Variants in PLXNB2 observed in about 807,000 individuals in gnomAD.
The protein encoded by PLXNB2 is plexin-B2.
PLXNB2 carries 85 observed loss-of-function variants against 202.6 expected under a neutral mutation model. The ratio of observed to expected loss-of-function variants is 0.42; its 90% CI spans 0.35 to 0.50. PLXNB2 has a LOEUF of 0.50. Among genes scored for constraint, PLXNB2 ranks in the 20% least tolerant of loss-of-function variants. The pLI, the probability that PLXNB2 is intolerant of heterozygous loss-of-function variation, is 0.02. For missense variants in PLXNB2, 2,063 were observed against 2,586.2 expected, an observed-to-expected ratio of 0.80 and a Z score of 4.39; for synonymous variants, 1,239 against 1,137.6, an observed-to-expected ratio of 1.09 and a Z score of -1.79.
chr22:50,286,083 C>G lies in PLXNB2; in HGVS notation c.1893G>C (p.Val631=), dbSNP rs530818054. ...CCCACTGGCAGGTCCAGCGGTTGCTCACGCAGGAGATGCACCTGCATCCAG... is the reference window on the plus strand; with the variant it reads ...CCCACTGGCAGGTCCAGCGGTTGCTGACGCAGGAGATGCACCTGCATCCAG... ...LEENLPCISC[V]SNRWTCQWDL... is the part of the protein sequence containing the mutation. Residue 631 remains valine (V), a synonymous_variant, in exon 10 of 37, where the codon GTG becomes GTC. Transcript: ENST00000359337. 6.2e-7 allele frequency: 1 copy of G among 1,612,058 alleles called. No homozygotes were observed. Among genetic ancestry groups the G allele is most frequent in the East Asian group, 2.2e-5 (1 of 44,874 alleles).
Position 50,280,544 on chromosome 22 carries a change from G to A in PLXNB2, c.4120C>T (p.Leu1374=), listed in dbSNP as rs1196985933. 2 of 1,611,994 alleles carry A rather than the reference G, an allele frequency of 1.2e-6. No homozygotes were observed. Among genetic ancestry groups the A allele is most frequent in the South Asian group, 1.1e-5 (1 of 91,088 alleles). ...ACCACGTACTGCTCCAGGAGCTCCA[G>A]GAAGAGCGTGTGCATGATGTCCGTG... The part of the protein sequence containing the change: ...YYTDIMHTLF[L]ELLEQYVVAK... Residue 1374 remains leucine, a synonymous_variant, in exon 25 of 37, where the codon CTG becomes TTG. Transcript: ENST00000359337.
At position 50,288,926 on chromosome 22, in the gene PLXNB2, C is replaced by T. The variant is rs763100796; in HGVS notation, c.1251+34G>A. 23 of 1,607,264 alleles carry T rather than the reference C, an allele frequency of 1.4e-5. No homozygotes were observed. Among genetic ancestry groups the T allele is most frequent in the Non-Finnish European group, 2.0e-5 (23 of 1,175,286 alleles). ...TACGGGCCTTGTGCACAGACGGGCC[C>T]TCCAGAGCCTCCCCGCCCCAGCCTG... On this transcript the variant is annotated intron_variant, in intron 4 of 36. Transcript: ENST00000359337. This position sits in a 1 kb window ranked among gnomAD's most constrained non-coding sequence, Gnocchi z 5.0.
chr22:50,288,038 C>T lies in PLXNB2; in HGVS notation c.1381-1G>A, dbSNP rs66665785. On this transcript the variant is annotated splice_acceptor_variant, in intron 5 of 36. Transcript: ENST00000359337. LOFTEE classifies it high-confidence loss of function. This position sits in a 1 kb window ranked among gnomAD's most constrained non-coding sequence, Gnocchi z 5.0. ...ACTCCTGCACCGGCAGCCGGAACAC[C>T]TAGGGCAGCGGGGCCGTGAGTGGGA... is the stretch of plus-strand genomic sequence containing the variant. 6.4e-7 allele frequency: 1 copy of T among 1,554,912 alleles called. No individual in the cohort carries two copies.
At chr22:50,296,552 A>G (rs1601758699) in intron 1 of PLXNB2, among the ~76,000 whole-genome samples, 1 of 140,670 alleles carries the variant, frequency 7.1e-6, no homozygotes, top group African/African-American at 2.7e-5. Context: ...AGATCACACC[A>G]TTGCACTCCA....
rs766335408 is a variant in PLXNB2, at chr22:50,291,152, C to T, written c.-13-555G>A. Reference sequence around the variant, plus strand: ...GCCCAGCAAGTGCACATGCTGTTTACAACTGCCCGCCAGAGCCCCCAGGCG... The same window carrying T: ...GCCCAGCAAGTGCACATGCTGTTTATAACTGCCCGCCAGAGCCCCCAGGCG... On this transcript the variant is annotated intron_variant, in intron 2 of 36. Transcript: ENST00000359337. This position sits in a 1 kb window ranked among gnomAD's most constrained non-coding sequence, Gnocchi z 4.3. Among the ~76,000 whole-genome samples the T allele has an allele frequency of 3.3e-5, 5 of 152,198 alleles. No homozygotes were observed. Among genetic ancestry groups the T allele is most frequent in the Non-Finnish European group, 7.3e-5 (5 of 68,032 alleles).
intron 2 of PLXNB2, 58 bp from the exon 3 acceptor site, chr22:50,290,655 C>T: frequency 6.9e-7 from 1 of 1,456,010 alleles, no homozygotes; most frequent in Admixed American, 2.4e-5. Context: ...CGATCAAATC[C>T]CTCTCCAGTC....
At chr22:50,304,126 G>C (rs1046638038) in intron 1 of PLXNB2, among the ~76,000 whole-genome samples, 5 of 152,148 alleles carry the variant, frequency 3.3e-5, no homozygotes, top group African/African-American at 4.8e-5. Context: ...AGGCGGGACT[G>C]TGCGAAACAG....
chr22:50,284,298 C>T lies in PLXNB2; in HGVS notation c.2182-85G>A. 1 of 1,275,262 alleles carries T rather than the reference C, an allele frequency of 7.8e-7. No homozygotes were observed. The highest frequency in any genetic ancestry group is 1.2e-5 in the South Asian group (1 of 83,816). The allele number at this position is 1,275,262 out of a possible 1,614,324, so 79.0% of individuals were successfully genotyped here. ...GGTCACAAGGGCAGCCTCCCTGTGG[C>T]CACCGGGTCCCTTCCCAGCCAAGGG... On this transcript the variant is annotated intron_variant, in intron 12 of 36. Transcript: ENST00000359337. The surrounding 1 kb of genome is among the most constrained non-coding windows in gnomAD (Gnocchi z 8.0).
At chr22:50,283,267 G>A in intron 16 of PLXNB2, 70 bp downstream of exon 16, 1 of 1,607,018 alleles carries the variant, frequency 6.2e-7, no homozygotes, top group Non-Finnish European at 8.5e-7. Context: ...ACTGTCGTGG[G>A]GAGGCGGCGG....
At position 50,278,395 on chromosome 22, in the gene PLXNB2, C is replaced by T. The variant is rs1229380810; in HGVS notation, c.4732+40G>A. The T allele has an allele frequency of 5.1e-6, 8 of 1,559,990 alleles. No individual in the cohort carries two copies. In the African/African-American group the frequency reaches 9.5e-5, roughly 19 times the overall value. On this transcript the variant is annotated intron_variant, in intron 30 of 36. Coordinates refer to ENST00000359337, the MANE Select transcript of PLXNB2 (RefSeq NM_012401.4). ...GGGCAGACATGGTCCACGCTGACCACCAGGGGCTGGAAGGAAACGGGCAAC... is the reference window on the plus strand; with the variant it reads ...GGGCAGACATGGTCCACGCTGACCATCAGGGGCTGGAAGGAAACGGGCAAC...
intron 1 of PLXNB2, among the ~76,000 whole-genome samples, chr22:50,299,388 G>T (rs2067516785): frequency 6.6e-6 from 1 of 152,142 alleles, no homozygotes; most frequent in Non-Finnish European, 1.5e-5. Context: ...AGGCGCGTCT[G>T]AGAGTGGCTG....
rs1441400122 is a variant in PLXNB2, at chr22:50,297,700, C to A, written c.-73-2922G>T. On this transcript the variant is annotated intron_variant, in intron 1 of 36. Coordinates refer to ENST00000359337, the MANE Select transcript of PLXNB2 (RefSeq NM_012401.4). This position sits in a 1 kb window ranked among gnomAD's most constrained non-coding sequence, Gnocchi z 5.3. ...TGTGGTCACACCTGACGCTGCTGCA[C>A]CCAGGGACCTCGAGGCCTGAAGTCC... Among the ~76,000 whole-genome samples, 1 of 152,214 alleles carries A rather than the reference C, an allele frequency of 6.6e-6. No individual in the cohort carries two copies. The highest frequency in any genetic ancestry group is 2.4e-5 in the African/African-American group (1 of 41,454).
At chr22:50,280,447 C>A in intron 25 of PLXNB2, 42 bp downstream of exon 25, 1 of 1,549,470 alleles carries the variant, frequency 6.5e-7, no homozygotes, top group East Asian at 2.3e-5. Flanking sequence ...CCCCTGCGGC[C>A]GCCCCGCCCG....
chr22:50,303,649 G>A (rs2067788277), intron 1 of PLXNB2, among the ~76,000 whole-genome samples: 1 of 152,224 alleles, frequency 6.6e-6, no homozygotes, highest in African/African-American at 2.4e-5. Flanking sequence ...ACTCAGCTGG[G>A]GCAGCATCAG....
intron 8 of PLXNB2, 88 bp downstream of exon 8, chr22:50,287,023 C>T: frequency 7.6e-7 from 1 of 1,320,576 alleles, no homozygotes; most frequent in Non-Finnish European, 1.0e-6. Context: ...AGAGCCTGCA[C>T]CCAGGGGCCA....
At chr22:50,279,864 G>C in intron 26 of PLXNB2, 88 bp from the exon 27 acceptor site, 1 of 1,512,378 alleles carries the variant, frequency 6.6e-7, no homozygotes, top group East Asian at 2.3e-5. Flanking sequence ...GCATGGACGG[G>C]GCTGACCATG....
In PLXNB2 at chr22:50,283,401, C is replaced by G; in HGVS notation, c.2615G>C (p.Gly872Ala). The change falls in exon 16 of 37, where the codon GGT (glycine) becomes GCT (alanine). Residue 872 changes from glycine to alanine, a missense_variant. Around this residue, in one of 2 missense-constraint regions of PLXNB2, gnomAD observed 1,303 missense variants for 1,476.8 expected, o/e 0.88. Coordinates refer to ENST00000359337, the MANE Select transcript of PLXNB2 (RefSeq NM_012401.4). ...TTTCCCGAAGACGTCCACCTCGACA[C>G]CCCCCGTGAAAGGCGTCTCCGCAGC... is the stretch of plus-strand genomic sequence containing the variant. Reference protein sequence around the residue: ...IEAAETPFTGGVEVDVFGKLG... With the variant: ...IEAAETPFTGAVEVDVFGKLG... 1 of 1,613,212 alleles carries G rather than the reference C, an allele frequency of 6.2e-7. No homozygotes were observed. The highest frequency in any genetic ancestry group is 1.3e-5 in the African/African-American group (1 of 75,032).
chr22:50,299,427 A>G (rs565102358), intron 1 of PLXNB2, among the ~76,000 whole-genome samples: 188 of 152,310 alleles, frequency 1.2e-3, no homozygotes, highest in African/African-American at 4.1e-3. Context: ...GGCGTCACAG[A>G]AAAGCCACGG....
At position 50,278,681 on chromosome 22, in the gene PLXNB2, G is replaced by A. The variant is rs1271760642; in HGVS notation, c.4562C>T (p.Ser1521Phe). The change falls in exon 29 of 37, where the codon TCC becomes TTC. Residue 1521 changes from serine (S) to phenylalanine (F), a missense_variant. By Grantham distance (155) the Ser-to-Phe change is radical. Around this residue, in one of 2 missense-constraint regions of PLXNB2, gnomAD observed 760 missense variants for 1,109.4 expected, o/e 0.69. Transcript: ENST00000359337. ...DSVVLEWRPG[S>F]TAQILSDLDL... ...CAGGTCCGACAGGATCTGCGCTGTG[G>A]AGCCCGGACGCCACTCTGTGGGAAG... The A allele has an allele frequency of 6.2e-7, 1 of 1,611,524 alleles. No individual in the cohort carries two copies. The highest frequency in any genetic ancestry group is 8.5e-7 in the Non-Finnish European group (1 of 1,179,494).
Sources: gnomAD v4.1 joint callset for allele counts (sites outside exome capture counted in the v4.1 genomes callset) on GRCh38, gnomAD v4.1.1 for gene constraint, gnomAD v4.1.1 regional missense constraint, Gnocchi (gnomAD v3.1) non-coding constraint, MANE v1.5 for transcripts, NCBI Gene and HGNC (gene_info 2026-07-23, HGNC 2026-07-21) for gene names.